The following PTPN12 variants were observed in gnomAD, a reference collection of about 807,000 sequenced individuals.
PTPN12 encodes tyrosine-protein phosphatase non-receptor type 12.
Under a neutral mutation model 97.6 loss-of-function variants are expected in PTPN12, and 29 were observed. The observed-to-expected ratio is 0.30, with a 90% CI of 0.22 to 0.41. The LOEUF (loss-of-function observed/expected upper bound fraction) is 0.41. PTPN12 is among the 10% of genes least tolerant of loss of function. PTPN12 has a pLI of 1.00. For synonymous variants in PTPN12, 327 were observed against 300.4 expected, an observed-to-expected ratio of 1.09 and a Z score of -0.91; for missense variants, 819 against 926.0, an observed-to-expected ratio of 0.88 and a Z score of 1.50.
At chr7:77,592,902 T>C (rs1167813704) in intron 6 of PTPN12, among the ~76,000 whole-genome samples, 3 of 152,028 alleles carry the variant, frequency 2.0e-5, no homozygotes, top group East Asian at 1.9e-4. Context: ...AAGGAAAATA[T>C]AAGTGAATTT....
At chr7:77,606,028 C>T (rs1393020006) in intron 8 of PTPN12, among the ~76,000 whole-genome samples, 1 of 126,540 alleles carries the variant, frequency 7.9e-6, no homozygotes, top group Non-Finnish European at 1.6e-5. Context: ...GATCTTGGGT[C>T]ACTGCAACCT....
chr7:77,628,656 G>C (rs926176028), intron 13 of PTPN12, among the ~76,000 whole-genome samples: 3 of 150,132 alleles, frequency 2.0e-5, no homozygotes, highest in Admixed American at 1.3e-4. Context: ...TCTCGGCTCA[G>C]CCTCCCAAGT....
intron 13 of PTPN12, among the ~76,000 whole-genome samples, chr7:77,631,031 C>T (rs139924840): frequency 1.6e-3 from 248 of 152,096 alleles, no homozygotes; most frequent in African/African-American, 5.8e-3. Context: ...GCTGAACTGC[C>T]CTTTTTGTTT....
At chr7:77,548,391 C>G (rs1485585473) in intron 1 of PTPN12, among the ~76,000 whole-genome samples, 1 of 152,176 alleles carries the variant, frequency 6.6e-6, no homozygotes, top group African/African-American at 2.4e-5. Flanking sequence ...TCACATGCTA[C>G]AAAACCATGA....
chr7:77,581,164 C>A (rs2151330509), intron 2 of PTPN12, among the ~76,000 whole-genome samples: 1 of 152,212 alleles, frequency 6.6e-6, no homozygotes, highest in Non-Finnish European at 1.5e-5. Flanking sequence ...CCTCTGCCTC[C>A]CAGCCAGTTT....
rs1345081137 is a variant in PTPN12, at chr7:77,592,324, T to A, written c.492+68T>A. 2.4e-6 allele frequency: 3 copies of A among 1,272,950 alleles called. No homozygotes were observed. The East Asian group carries it at 7.1e-5, about 30-fold the overall frequency. The allele number at this position is 1,272,950 out of a possible 1,614,324, so 78.9% of individuals were successfully genotyped here. Reference sequence around the variant, plus strand: ...ATGCTATACTGATGAATAATTAAATTATAATGTGGTATGAACCCAGGCTTA... The same window carrying A: ...ATGCTATACTGATGAATAATTAAATAATAATGTGGTATGAACCCAGGCTTA... On this transcript the variant is annotated intron_variant, in intron 6 of 17. Transcript: ENST00000248594.
intron 1 of PTPN12, among the ~76,000 whole-genome samples, chr7:77,552,431 TATG>T (rs1427281251): frequency 1.3e-5 from 2 of 152,214 alleles, no homozygotes; most frequent in African/African-American, 4.8e-5. Context: ...GCATCATATG[TATG>T]ATATTTTCAA....
chr7:77,581,350 T>C, intron 2 of PTPN12, 77 bp from the exon 3 acceptor site: 1 of 892,580 alleles, frequency 1.1e-6, no homozygotes, highest in Non-Finnish European at 1.8e-6. Context: ...TTAAGCTGTC[T>C]ATTTAACCTT....
rs181174755 is a variant in PTPN12, at chr7:77,542,908, C to T, written c.99+5263C>T. ...ATAATATAAGCATGTAGGAGATAGT[C>T]GACAGCATGGGAGTGAATGAGCTTA... On this transcript the variant is annotated intron_variant, in intron 1 of 17. Coordinates refer to ENST00000248594, the MANE Select transcript of PTPN12 (RefSeq NM_002835.4). Among the ~76,000 whole-genome samples, 80 of 152,206 alleles carry T rather than the reference C, an allele frequency of 5.3e-4. 1 individual carries two copies. The East Asian group carries it at 0.01, about 19-fold the overall frequency.
chr7:77,581,366 C>G, intron 2 of PTPN12, 61 bp from the exon 3 acceptor site: 1 of 1,121,574 alleles, frequency 8.9e-7, no homozygotes, highest in Non-Finnish European at 1.3e-6. Flanking sequence ...ACCTTACTTA[C>G]GCTTCATTAG....
intron 13 of PTPN12, among the ~76,000 whole-genome samples, chr7:77,629,927 G>T (rs1279013099): frequency 7.0e-6 from 1 of 142,198 alleles, no homozygotes; most frequent in Non-Finnish European, 1.5e-5. Flanking sequence ...GCAACAGAGG[G>T]AGACCCTGTC....
At chr7:77,578,530 A>G (rs543622775) in intron 2 of PTPN12, among the ~76,000 whole-genome samples, 2 of 152,226 alleles carry the variant, frequency 1.3e-5, no homozygotes, top group East Asian at 3.8e-4. Context: ...TTTCTAAAGA[A>G]GACTTTTTTA....
rs1789692614 is a variant in PTPN12 at position 77,638,666 on chromosome 7, G to A, written c.2216G>A (p.Cys739Tyr). 1.9e-6 allele frequency: 3 copies of A among 1,607,548 alleles called. No individual in the cohort carries two copies. The highest frequency in any genetic ancestry group is 2.7e-5 in the African/African-American group (2 of 74,698). The change falls in exon 17 of 18, where the codon TGT becomes TAT. Residue 739 changes from cysteine to tyrosine, a missense_variant. Around this residue, in one of 5 missense-constraint regions of PTPN12, gnomAD observed 607 missense variants for 577.3 expected, o/e 1.05. Transcript: ENST00000248594. ...GGIHYEMCIE[C>Y]PPTFSDKREQ... ...ATTCACTATGAAATGTGCATAGAAT[G>A]TCCACCTACTTTCAGTGACAAGAGA...
chr7:77,550,219 T>TGTG (rs1165888488), intron 1 of PTPN12, among the ~76,000 whole-genome samples: 1 of 152,136 alleles, frequency 6.6e-6, no homozygotes, highest in Non-Finnish European at 1.5e-5. Context: ...TGTGTTAACG[T>TGTG]GTGGGTAGTA....
intron 5 of PTPN12, among the ~76,000 whole-genome samples, chr7:77,586,744 T>A (rs1305592103): frequency 6.6e-6 from 1 of 152,190 alleles, no homozygotes; most frequent in African/African-American, 2.4e-5. Context: ...TTCAAACCCT[T>A]CCACTGCTTT....
At chr7:77,576,585 T>A (rs1787350086) in intron 2 of PTPN12, among the ~76,000 whole-genome samples, 1 of 152,022 alleles carries the variant, frequency 6.6e-6, no homozygotes, top group Non-Finnish European at 1.5e-5. Context: ...TAGTCCCAGC[T>A]ACTTGAGAGG....
chr7:77,602,755 T>C (rs1033533241), intron 8 of PTPN12, among the ~76,000 whole-genome samples: 4 of 152,204 alleles, frequency 2.6e-5, no homozygotes, highest in Non-Finnish European at 5.9e-5. Flanking sequence ...AGACAGTTTT[T>C]CTACTCTGAA....
chr7:77,552,858 T>C (rs1211011718), intron 1 of PTPN12, among the ~76,000 whole-genome samples: 2 of 152,164 alleles, frequency 1.3e-5, no homozygotes, highest in Admixed American at 6.5e-5. Context: ...AGCTTCTTTA[T>C]CGTTAAAACA....
chr7:77,561,311 A>G (rs764723533), intron 1 of PTPN12, among the ~76,000 whole-genome samples: 1 of 152,204 alleles, frequency 6.6e-6, no homozygotes, highest in Non-Finnish European at 1.5e-5. Context: ...CTGTTGAATC[A>G]TCTATATGAA....
Sources: gnomAD v4.1 joint callset for allele counts (sites outside exome capture counted in the v4.1 genomes callset) on GRCh38, gnomAD v4.1.1 for gene constraint, gnomAD v4.1.1 regional missense constraint, MANE v1.5 for transcripts, NCBI Gene and HGNC (gene_info 2026-07-23, HGNC 2026-07-21) for gene names.